Variants in DNAH10 observed in about 807,000 individuals in gnomAD.
DNAH10 encodes the protein axonemal beta dynein heavy chain 10.
A neutral mutation model predicts 506.6 loss-of-function variants in DNAH10; 348 were observed. The observed-to-expected ratio is 0.69, with a 90% CI of 0.63 to 0.75. The LOEUF (loss-of-function observed/expected upper bound fraction) is 0.75, where lower values mean the gene tolerates loss of function less well. Among genes scored for constraint, DNAH10 ranks in the 30% least tolerant of loss-of-function variants. The probability of loss-of-function intolerance (pLI) is 0.00; values close to 1 mark genes in which losing one functional copy is unlikely to be tolerated. For synonymous variants in DNAH10, 2,059 were observed against 2,198.6 expected (o/e 0.94, Z 1.78); for missense variants, 5,179 against 5,787.1 (o/e 0.89, Z 3.41).
intron 65 of DNAH10, 112 bp from the exon 66 acceptor site, chr12:123,923,651 A>G (rs2137604622): frequency 4.5e-6 from 3 of 667,190 alleles, no homozygotes; most frequent in East Asian, 2.8e-5. Flanking sequence ...AAATGCAGCC[A>G]TACAGTTCGA....
intron 11 of DNAH10, among the ~76,000 whole-genome samples, chr12:123,791,338 AAG>A (rs1958072678): frequency 6.6e-6 from 1 of 152,122 alleles, no homozygotes; most frequent in South Asian, 2.1e-4. Flanking sequence ...CCACAGTATG[AAG>A]AGTGACCCAT....
chr12:123,767,288 T>C (rs1957084515), intron 1 of DNAH10, among the ~76,000 whole-genome samples: 1 of 152,164 alleles, frequency 6.6e-6, no homozygotes, highest in Non-Finnish European at 1.5e-5. Context: ...CAGTTTAGGG[T>C]GTTAAATACG....
In DNAH10 at chr12:123,799,302, G is replaced by T. The variant is rs748766652; in HGVS notation, c.2220G>T (p.Lys740Asn). The T allele has an allele frequency of 5.6e-6, 9 of 1,613,890 alleles. No individual in the cohort carries two copies. In the African/African-American group the frequency reaches 8.0e-5, roughly 14 times the overall value. The part of the protein sequence containing the change: ...GRTMKEYEDR[K>N]YEQWMEVTEQ... ...CAATGAAGGAGTATGAAGACAGAAA[G>T]TATGAGCAGTGGATGGAGGTGACGG... The change falls in exon 14 of 79, where the codon AAG becomes AAT. Residue 740 changes from lysine to asparagine, a missense_variant. By Grantham distance (94) the Lys-to-Asn change is moderately conservative. Transcript: ENST00000673944.
At chr12:123,786,183 C>T (rs921968960) in intron 9 of DNAH10, among the ~76,000 whole-genome samples, 4 of 151,710 alleles carry the variant, frequency 2.6e-5, no homozygotes, top group African/African-American at 7.3e-5. Context: ...AAACCCCATG[C>T]GTGGTGGGCT....
Position 123,926,878 on chromosome 12 carries a change from TAAG to T in DNAH10, c.12105+62_12105+64del, listed in dbSNP as rs1216648613. ...TTTAGGGGAGGTCCCTGGTGTCTGC[TAAG>T]AAGGAGCTAACCTGGGTTTAAGCTG... On this transcript the variant is annotated intron_variant, in intron 69 of 78. Transcript: ENST00000673944. The surrounding 1 kb of genome is among the most constrained non-coding windows in gnomAD (Gnocchi z 4.1). 1 of 1,582,192 alleles carries T rather than the reference TAAG, an allele frequency of 6.3e-7. No homozygotes were observed. Among genetic ancestry groups the T allele is most frequent in the Non-Finnish European group, 8.6e-7 (1 of 1,168,432 alleles).
At position 123,887,289 on chromosome 12, in the gene DNAH10, CT is replaced by C. The variant is rs1297465952; in HGVS notation, c.8972del (p.Leu2991ProfsTer6). On this transcript the variant is annotated frameshift_variant, in exon 52 of 79. Coordinates refer to ENST00000673944, the MANE Select transcript of DNAH10 (RefSeq NM_001372106.1). LOFTEE classifies it high-confidence loss of function. Reference sequence around the variant, plus strand: ...TGTGGCTGAGGAGGGCTTCCTGGAGCTCATCAACAACATGCTGACCTCAGGT... The same window carrying C: ...TGTGGCTGAGGAGGGCTTCCTGGAGCCATCAACAACATGCTGACCTCAGGT... ...AHVAEEGFLE[L>X]INNMLTSGIV... is the part of the protein sequence containing the mutation. 1 of 1,613,660 alleles carries C rather than the reference CT, an allele frequency of 6.2e-7. No homozygotes were observed. The highest frequency in any genetic ancestry group is 8.5e-7 in the Non-Finnish European group (1 of 1,179,822).
In DNAH10 at chr12:123,787,785, G is replaced by A. The variant is rs2136204769; in HGVS notation, c.1422-19G>A. The A allele has an allele frequency of 3.1e-6, 5 of 1,608,942 alleles. No individual in the cohort carries two copies. Among genetic ancestry groups the A allele is most frequent in the Non-Finnish European group, 2.5e-6 (3 of 1,177,966 alleles). On this transcript the variant is annotated intron_variant, in intron 9 of 78. Coordinates refer to ENST00000673944, the MANE Select transcript of DNAH10 (RefSeq NM_001372106.1). The surrounding 1 kb of genome is among the most constrained non-coding windows in gnomAD (Gnocchi z 4.6). ...GGAGCTCCGCCCTCCTCCCATCACG[G>A]CATCTCTTGGCTTCGCAGAGAAAAT...
chr12:123,881,636 A>G lies in DNAH10; in HGVS notation c.8646A>G (p.Glu2882=). ...TTTTTTAAATGCAGGAAATTCTTGA[A>G]GAGTATAATGAAAGCAACACCAAAA... ...AAKALFQEIL[E]EYNESNTKMN... The change falls in exon 51 of 79, where the codon GAA becomes GAG. Residue 2882 remains glutamate, a synonymous_variant. Coordinates refer to ENST00000673944, the MANE Select transcript of DNAH10 (RefSeq NM_001372106.1). 6.6e-7 allele frequency: 1 copy of G among 1,523,990 alleles called. No homozygotes were observed. Among genetic ancestry groups the G allele is most frequent in the Non-Finnish European group, 8.8e-7 (1 of 1,139,148 alleles). The allele number at this position is 1,523,990 out of a possible 1,614,324, so 94.4% of individuals were successfully genotyped here.
intron 48 of DNAH10, among the ~76,000 whole-genome samples, chr12:123,878,912 A>T (rs775651580): frequency 1.3e-5 from 2 of 152,176 alleles, no homozygotes; most frequent in Non-Finnish European, 2.9e-5. Context: ...AAAAGAAAAA[A>T]GAGAGAAAAA....
chr12:123,833,698 C>A lies in DNAH10; in HGVS notation c.4779+351C>A, dbSNP rs144642147. On this transcript the variant is annotated intron_variant, in intron 27 of 78. Coordinates refer to ENST00000673944, the MANE Select transcript of DNAH10 (RefSeq NM_001372106.1). The stretch of plus-strand genomic sequence containing the variant: ...AACATACTTATTTTACATTCCTTTT[C>A]GATTTCTCTACACTTTTTAAAAAAA... Among the ~76,000 whole-genome samples the A allele has an allele frequency of 8.5e-5, 13 of 152,244 alleles. No homozygotes were observed. In the East Asian group the frequency reaches 1.9e-3, roughly 23 times the overall value.
intron 5 of DNAH10, among the ~76,000 whole-genome samples, chr12:123,777,737 C>G (rs1289386624): frequency 6.6e-6 from 1 of 152,128 alleles, no homozygotes; most frequent in African/African-American, 2.4e-5. Flanking sequence ...CCTTAACCTC[C>G]CAGGCTTAAA....
chr12:123,851,073 C>T lies in DNAH10; in HGVS notation c.6288C>T (p.Ala2096=). 2 of 1,598,830 alleles carry T rather than the reference C, an allele frequency of 1.3e-6. No homozygotes were observed. The highest frequency in any genetic ancestry group is 1.7e-6 in the Non-Finnish European group (2 of 1,169,882). ...IMLFSEGFLE[A]KTLAKKMTVL... ...TCTTCTCTGAGGGCTTCCTGGAGGCCAAGGTGGGGGGCCTTGGCAGCGCCA... is the reference window on the plus strand; with the variant it reads ...TCTTCTCTGAGGGCTTCCTGGAGGCTAAGGTGGGGGGCCTTGGCAGCGCCA... Residue 2096 remains alanine, a synonymous_variant, in exon 35 of 79, where the codon GCC becomes GCT. Transcript: ENST00000673944.
intron 72 of DNAH10, 151 bp from the exon 73 acceptor site, chr12:123,930,251 C>A: frequency 1.5e-6 from 1 of 688,918 alleles, no homozygotes; most frequent in Non-Finnish European, 2.2e-6. Flanking sequence ...GAACAGTGGC[C>A]CGAAAGGTTA....
Position 123,931,386 on chromosome 12 carries a change from G to T in DNAH10, c.12830G>T (p.Gly4277Val). Residue 4277 changes from glycine to valine, a missense_variant, in exon 74 of 79, where the codon GGT (glycine) becomes GTT (valine). Transcript: ENST00000673944. ...CTTGCCAACACGCCAGAAGTGTTTG[G>T]TCTCCACCCCAACGCTGAGATTGGC... ...LPLANTPEVFGLHPNAEIGYY... is the reference protein window; with the variant it reads ...LPLANTPEVFVLHPNAEIGYY... 1 of 1,613,976 alleles carries T rather than the reference G, an allele frequency of 6.2e-7. No individual in the cohort carries two copies. The highest frequency in any genetic ancestry group is 1.7e-4 in the Middle Eastern group (1 of 6,050).
chr12:123,848,641 G>A, intron 33 of DNAH10, 89 bp from the exon 34 acceptor site: 3 of 1,516,452 alleles, frequency 2.0e-6, no homozygotes, highest in Non-Finnish European at 2.7e-6. Context: ...CTCATTGTTT[G>A]CTTTAATTTA....
intron 19 of DNAH10, among the ~76,000 whole-genome samples, chr12:123,810,164 G>A (rs185941389): frequency 1.5e-3 from 223 of 152,294 alleles, no homozygotes; most frequent in African/African-American, 4.5e-3. Context: ...CTCAGTAAAT[G>A]TTTGTTGAAT....
chr12:123,877,814 G>A lies in DNAH10; in HGVS notation c.8278G>A (p.Asp2760Asn), dbSNP rs966270289. ...TLALYKNIVQ[D>N]LPPTPSKFHY... The stretch of plus-strand genomic sequence containing the variant: ...AGCACTTTACAAAAATATTGTGCAA[G>A]ACCTACCTCCCACTCCGTCAAAGTT... Residue 2760 changes from aspartate to asparagine, a missense_variant, in exon 48 of 79, where the codon GAC (aspartate) becomes AAC (asparagine). Physicochemically the swap from Asp to Asn is conservative, Grantham distance 23. Transcript: ENST00000673944. 6.2e-7 allele frequency: 1 copy of A among 1,613,856 alleles called. No homozygotes were observed. The highest frequency in any genetic ancestry group is 1.7e-5 in the Admixed American group (1 of 59,990).
Position 123,813,369 on chromosome 12 carries a change from T to C in DNAH10, c.3350T>C (p.Leu1117Pro), listed in dbSNP as rs754351681. The change falls in exon 20 of 79, where the codon CTC (leucine) becomes CCC (proline). Residue 1117 changes from leucine to proline, a missense_variant. This residue lies in a region of DNAH10 where 4,844 missense variants were observed against 5,430.5 expected (regional missense o/e 0.89). Transcript: ENST00000673944. ...YLQKWKRYRP[L>P]WKLDKAIVME... ...CAAAAATGGAAGCGGTATCGACCTC[T>C]CTGGAAATTGGACAAAGCTATTGTG... The C allele has an allele frequency of 1.1e-5, 18 of 1,614,106 alleles. No individual in the cohort carries two copies. In the Middle Eastern group the frequency reaches 8.2e-4, roughly 74 times the overall value.
Position 123,846,282 on chromosome 12 carries a change from C to A in DNAH10, c.5814+128C>A. 1 of 1,261,030 alleles carries A rather than the reference C, an allele frequency of 7.9e-7. No homozygotes were observed. The highest frequency in any genetic ancestry group is 1.6e-5 in the South Asian group (1 of 63,120). The allele number at this position is 1,261,030 out of a possible 1,614,324, so 78.1% of individuals were successfully genotyped here. ...ATCATTGCTTTGAAATCTCGAAAAG[C>A]TTTTCCATTTGGGATGTGACCAGAT... On this transcript the variant is annotated intron_variant, in intron 32 of 78. Transcript: ENST00000673944. The surrounding 1 kb of genome is among the most constrained non-coding windows in gnomAD (Gnocchi z 4.5).
Sources: allele counts gnomAD v4.1 joint callset (sites outside exome capture counted in the v4.1 genomes callset), GRCh38; gene constraint gnomAD v4.1.1; regional missense constraint gnomAD v4.1.1; non-coding constraint Gnocchi (gnomAD v3.1); transcripts MANE v1.5; gene names NCBI Gene and HGNC (gene_info 2026-07-23, HGNC 2026-07-21).